Variants in VPS13C observed in about 807,000 individuals in gnomAD.
The protein encoded by VPS13C is vacuolar protein sorting 13 homolog C, also known as intermembrane lipid transfer protein VPS13C.
VPS13C carries 358 observed loss-of-function variants against 456.8 expected under a neutral mutation model. The observed-to-expected ratio is 0.78, with a 90% CI of 0.72 to 0.86. The LOEUF (loss-of-function observed/expected upper bound fraction) is 0.86, where lower values mean the gene tolerates loss of function less well. Among genes scored for constraint, VPS13C ranks in the 40% least tolerant of loss-of-function variants. The probability of loss-of-function intolerance (pLI) is 0.00; values close to 1 mark genes in which losing one functional copy is unlikely to be tolerated. For synonymous variants in VPS13C, 1,578 were observed against 1,486.7 expected, an observed-to-expected ratio of 1.06 and a Z score of -1.41; for missense variants, 4,818 against 4,385.4, an observed-to-expected ratio of 1.10 and a Z score of -2.79.
At chr15:62,012,221 G>GACAGAC in intron 11 of VPS13C, 57 bp from the exon 12 acceptor site, 1 of 510,384 alleles carries the variant, frequency 2.0e-6, no homozygotes, top group South Asian at 2.5e-5. Context: ...TTCAGACTCA[G>GACAGAC]ACACACACAC....
At chr15:62,044,367 A>T in intron 1 of VPS13C, 112 bp from the exon 2 acceptor site, 1 of 618,676 alleles carries the variant, frequency 1.6e-6, no homozygotes, top group Non-Finnish European at 2.7e-6. Context: ...GAATACAATG[A>T]TAAACAAAGG....
chr15:61,896,826 T>A (rs1284877776), intron 66 of VPS13C, among the ~76,000 whole-genome samples: 20 of 150,720 alleles, frequency 1.3e-4, no homozygotes, highest in African/African-American at 4.7e-4. Context: ...AAGACAGCAG[T>A]AACCTCTGCA....
intron 69 of VPS13C, among the ~76,000 whole-genome samples, chr15:61,882,277 G>A (rs1322987564): frequency 6.6e-6 from 1 of 152,118 alleles, no homozygotes; most frequent in African/African-American, 2.4e-5. Context: ...CTCCAGCAAA[G>A]CTCTGCTCTC....
chr15:61,924,401 G>T (rs1017009638), intron 53 of VPS13C, among the ~76,000 whole-genome samples: 1 of 152,164 alleles, frequency 6.6e-6, no homozygotes, highest in Non-Finnish European at 1.5e-5. Flanking sequence ...TGTAATCACT[G>T]ATTTCTTTCT....
At chr15:62,037,257 ATATAT>A (rs1376723255) in intron 3 of VPS13C, among the ~76,000 whole-genome samples, 6 of 26,092 alleles carry the variant, frequency 2.3e-4, no homozygotes, top group African/African-American at 3.2e-4. Flanking sequence ...ATATATTTAT[ATATAT>A]TATATTATAT....
rs1893742467 is a variant in VPS13C, at chr15:61,853,335, A to G, written c.*1122T>C. ...AGAAACAATTTCTGGGAATATAAAA[A>G]TATTGAATTTTACATATTTCAGAGT... On this transcript the variant is annotated 3_prime_UTR_variant, in exon 85 of 85. Transcript: ENST00000644861. The G allele has an allele frequency of 6.6e-6, 1 of 152,228 alleles. No homozygotes were observed. Among genetic ancestry groups the G allele is most frequent in the South Asian group, 2.1e-4 (1 of 4,834 alleles). The allele number at this position is 152,228 out of a possible 1,614,324, so 9.4% of individuals were successfully genotyped here.
intron 13 of VPS13C, among the ~76,000 whole-genome samples, chr15:62,009,497 G>A (rs2046972743): frequency 6.6e-6 from 1 of 152,120 alleles, no homozygotes; most frequent in African/African-American, 2.4e-5. Flanking sequence ...TGTATTTTAA[G>A]TGATGTGAAA....
At position 61,936,863 on chromosome 15, in the gene VPS13C, G is replaced by A. The variant is rs1567023599; in HGVS notation, c.5602-113C>T. ...TAATTGTTCACCTACTTAAAAAGAA[G>A]AGAGTTAGAGTTAGGACTATAAATA... On this transcript the variant is annotated intron_variant, in intron 47 of 84. Transcript: ENST00000644861. The A allele has an allele frequency of 1.5e-5, 17 of 1,115,180 alleles. No individual in the cohort carries two copies. The South Asian group carries it at 1.8e-4, about 12-fold the overall frequency. The allele number at this position is 1,115,180 out of a possible 1,614,324, so 69.1% of individuals were successfully genotyped here. A position where few individuals can be genotyped will look rare whatever the true frequency, so the allele number is the denominator to read the frequency against.
intron 61 of VPS13C, among the ~76,000 whole-genome samples, chr15:61,913,644 C>T (rs2043370827): frequency 6.6e-6 from 1 of 152,078 alleles, no homozygotes; most frequent in South Asian, 2.1e-4. Context: ...CTTTCTCATT[C>T]ACCTATGCAA....
At chr15:62,046,904 T>C (rs1419304237) in intron 1 of VPS13C, among the ~76,000 whole-genome samples, 2 of 152,136 alleles carry the variant, frequency 1.3e-5, no homozygotes, top group Non-Finnish European at 2.9e-5. Context: ...TTGTACTTAT[T>C]ATTGCTGGGT....
intron 1 of VPS13C, among the ~76,000 whole-genome samples, chr15:62,052,672 CAAAAAAAAAA>C (rs35444089): frequency 1.4e-5 from 1 of 70,542 alleles, no homozygotes; most frequent in South Asian, 4.9e-4. Flanking sequence ...GACTCCGTCT[CAAAAAAAAAA>C]AAAAAAAAAA....
Position 61,855,088 on chromosome 15 carries a change from G to C in VPS13C, c.11077-134C>G, listed in dbSNP as rs1331486265. The stretch of plus-strand genomic sequence containing the variant: ...TAACCAAATACACATATTCAAGTAA[G>C]ATATGAAATAAATCATCTTGGAACA... On this transcript the variant is annotated intron_variant, in intron 83 of 84. Coordinates refer to ENST00000644861, the MANE Select transcript of VPS13C (RefSeq NM_020821.3). 17 of 668,088 alleles carry C rather than the reference G, an allele frequency of 2.5e-5. No homozygotes were observed. In the South Asian group the frequency reaches 3.6e-4, roughly 14 times the overall value. 41.4% of individuals were successfully genotyped at this position (668,088 alleles called of 1,614,324 possible).
intron 11 of VPS13C, 57 bp downstream of exon 11, chr15:62,012,982 T>G: frequency 7.3e-7 from 1 of 1,367,262 alleles, no homozygotes; most frequent in Non-Finnish European, 1.0e-6. Context: ...CCTCTTATAT[T>G]AAACAAATTT....
intron 5 of VPS13C, among the ~76,000 whole-genome samples, chr15:62,031,325 G>A (rs2047813718): frequency 6.6e-6 from 1 of 151,680 alleles, no homozygotes; most frequent in Non-Finnish European, 1.5e-5. Flanking sequence ...ATGTGCAATG[G>A]TGCTTTTGTG....
chr15:61,952,499 TTATA>T (rs1227653092), intron 38 of VPS13C, among the ~76,000 whole-genome samples: 1 of 152,056 alleles, frequency 6.6e-6, no homozygotes, highest in Non-Finnish European at 1.5e-5. Context: ...CTTATGGACT[TTATA>T]TATGTGTGTG....
intron 82 of VPS13C, among the ~76,000 whole-genome samples, chr15:61,863,037 C>T (rs1375575539): frequency 1.3e-5 from 2 of 152,036 alleles, no homozygotes; most frequent in African/African-American, 4.8e-5. Context: ...GAAGTAATGC[C>T]ACCCTTTAAA....
intron 28 of VPS13C, 56 bp from the exon 29 acceptor site, chr15:61,967,503 T>A (rs2045414846): frequency 2.2e-6 from 3 of 1,346,202 alleles, no homozygotes; most frequent in South Asian, 1.3e-5. Flanking sequence ...CTTTTGTAAT[T>A]TGAAACATTT....
At chr15:62,014,600 T>C (rs1159147578) in intron 9 of VPS13C, among the ~76,000 whole-genome samples, 1 of 152,104 alleles carries the variant, frequency 6.6e-6, no homozygotes, top group Non-Finnish European at 1.5e-5. Flanking sequence ...ATGGTATGGA[T>C]ACAAAAGAGG....
In VPS13C at chr15:61,969,128, C is replaced by A. The variant is rs1333278911; in HGVS notation, c.2911+171G>T. On this transcript the variant is annotated intron_variant, in intron 28 of 84. Coordinates refer to ENST00000644861, the MANE Select transcript of VPS13C (RefSeq NM_020821.3). ...CTTACATTTAAACCATAGATTATAACACTGCCTACCCCATAGCACTGCTAT... is the reference window on the plus strand; with the variant it reads ...CTTACATTTAAACCATAGATTATAAAACTGCCTACCCCATAGCACTGCTAT... 2.6e-5 allele frequency among the ~76,000 whole-genome samples: 4 copies of A among 152,092 alleles called. No individual in the cohort carries two copies. In the South Asian group the frequency reaches 8.3e-4, roughly 31 times the overall value.
Sources: gnomAD v4.1 joint callset for allele counts (sites outside exome capture counted in the v4.1 genomes callset) on GRCh38, gnomAD v4.1.1 for gene constraint, MANE v1.5 for transcripts, NCBI Gene and HGNC (gene_info 2026-07-23, HGNC 2026-07-21) for gene names.